APBA2: variants seen among roughly 807,000 people sequenced by gnomAD.
The protein encoded by APBA2 is amyloid beta precursor protein binding family A member 2, also known as amyloid-beta A4 precursor protein-binding family A member 2.
APBA2 carries 30 observed loss-of-function variants against 75.0 expected under a neutral mutation model. The ratio of observed to expected loss-of-function variants is 0.40; its 90% CI spans 0.30 to 0.54. The LOEUF (loss-of-function observed/expected upper bound fraction) is 0.54, where lower values mean the gene tolerates loss of function less well. Ranked by LOEUF, APBA2 falls within the 20% of genes least tolerant of loss-of-function variation. The pLI is 0.49. For synonymous variants in APBA2, 444 were observed against 409.6 expected (o/e 1.08, Z -1.01); for missense variants, 801 against 1,016.1 (o/e 0.79, Z 2.88).
intron 2 of APBA2, among the ~76,000 whole-genome samples, chr15:28,924,913 C>T (rs2034178089): frequency 6.6e-6 from 1 of 152,130 alleles, no homozygotes; most frequent in African/African-American, 2.4e-5. Context: ...CCATCCTAGC[C>T]AACACTTGTT....
chr15:28,967,648 C>T (rs2036811603), intron 2 of APBA2, among the ~76,000 whole-genome samples: 1 of 152,148 alleles, frequency 6.6e-6, no homozygotes, highest in African/African-American at 2.4e-5. Context: ...CCGTGTTAGC[C>T]AGGATGGTCT....
chr15:29,002,075 G>A (rs778872315), intron 3 of APBA2, among the ~76,000 whole-genome samples: 7 of 152,306 alleles, frequency 4.6e-5, no homozygotes, highest in South Asian at 2.1e-4. Flanking sequence ...TGTACTGCCC[G>A]TCTTGGACAC....
At chr15:29,040,742 CAG>C (rs2040995124) in intron 3 of APBA2, among the ~76,000 whole-genome samples, 3 of 152,142 alleles carry the variant, frequency 2.0e-5, no homozygotes, top group Admixed American at 1.3e-4. Context: ...CATTTTTAAT[CAG>C]GGTTAAAATG....
chr15:29,058,815 G>C (rs997730331), intron 4 of APBA2, among the ~76,000 whole-genome samples: 12 of 152,118 alleles, frequency 7.9e-5, no homozygotes, highest in Non-Finnish European at 1.6e-4. Flanking sequence ...GTTTACTGAG[G>C]AAAATTTGGA....
chr15:28,938,009 A>C (rs769465674), intron 2 of APBA2, among the ~76,000 whole-genome samples: 4 of 152,150 alleles, frequency 2.6e-5, no homozygotes, highest in Non-Finnish European at 5.9e-5. Flanking sequence ...TAGTGTCTTT[A>C]GCTCCAGCCA....
chr15:28,965,745 C>A (rs1320118904), intron 2 of APBA2, among the ~76,000 whole-genome samples: 1 of 152,128 alleles, frequency 6.6e-6, no homozygotes, highest in Non-Finnish European at 1.5e-5. Flanking sequence ...AATGGTGTTG[C>A]ATTTAACAGT....
intron 2 of APBA2, chr15:28,970,618 T>G (rs945502208): frequency 2.6e-5 from 4 of 151,538 alleles, no homozygotes; most frequent in African/African-American, 9.7e-5. Context: ...AGCAAAGAAT[T>G]TACATTTTGT....
At chr15:29,111,609 C>T (rs2044734563) in intron 13 of APBA2, among the ~76,000 whole-genome samples, 1 of 152,100 alleles carries the variant, frequency 6.6e-6, no homozygotes, top group Non-Finnish European at 1.5e-5. Context: ...GCCCTTCAGG[C>T]CCCCAGGTGC....
chr15:29,072,539 G>A (rs1004350473), intron 4 of APBA2, among the ~76,000 whole-genome samples: 1 of 152,138 alleles, frequency 6.6e-6, no homozygotes, highest in African/African-American at 2.4e-5. Context: ...AAACCTTGCA[G>A]GAGCGGTACC....
At chr15:29,014,727 G>C (rs1449727717) in intron 3 of APBA2, among the ~76,000 whole-genome samples, 1 of 115,818 alleles carries the variant, frequency 8.6e-6, no homozygotes, top group Non-Finnish European at 1.6e-5. Context: ...TTTTTTTAAA[G>C]AGACAGGGTC....
intron 4 of APBA2, among the ~76,000 whole-genome samples, chr15:29,056,622 C>G (rs1166761068): frequency 1.0e-5 from 1 of 96,328 alleles, no homozygotes. Flanking sequence ...CCTTCTCTCC[C>G]TCCCTCCCTC....
intron 13 of APBA2, among the ~76,000 whole-genome samples, chr15:29,111,766 G>C (rs1448101612): frequency 6.6e-6 from 1 of 152,106 alleles, no homozygotes; most frequent in African/African-American, 2.4e-5. Context: ...TGCAGGCCAG[G>C]GCTCATCCAC....
intron 6 of APBA2, among the ~76,000 whole-genome samples, chr15:29,090,852 C>T (rs1353173104): frequency 6.6e-6 from 1 of 152,124 alleles, no homozygotes; most frequent in Non-Finnish European, 1.5e-5. Flanking sequence ...GGGAGCCTTC[C>T]CAGCCCCACA....
At chr15:28,985,230 C>T (rs2037857048) in intron 2 of APBA2, among the ~76,000 whole-genome samples, 1 of 152,202 alleles carries the variant, frequency 6.6e-6, no homozygotes, top group Non-Finnish European at 1.5e-5. Flanking sequence ...TGCTCTGTGG[C>T]TGCACTGCAG....
At chr15:28,917,111 A>G (rs2033719568) in intron 1 of APBA2, among the ~76,000 whole-genome samples, 5 of 152,120 alleles carry the variant, frequency 3.3e-5, no homozygotes, top group Non-Finnish European at 1.5e-5. Context: ...AGCCTGGGAG[A>G]AGCCAGGGAC....
rs1464815052 is a variant in APBA2, at chr15:29,071,207, C to G, written c.952-3714C>G. Reference sequence around the variant, plus strand: ...AATGAGAATTGACACTTTTTAAAATCCAAGCTTTAGTTTCACCACCTGGAG... The same window carrying G: ...AATGAGAATTGACACTTTTTAAAATGCAAGCTTTAGTTTCACCACCTGGAG... On this transcript the variant is annotated intron_variant, in intron 4 of 14. Coordinates refer to ENST00000683413, the MANE Select transcript of APBA2 (RefSeq NM_001353788.2). 2.1e-5 allele frequency: 8 copies of G among 374,184 alleles called. No homozygotes were observed. The Admixed American group carries it at 2.4e-4, about 11-fold the overall frequency. 23.2% of individuals were successfully genotyped at this position (374,184 alleles called of 1,614,324 possible). A position where few individuals can be genotyped will look rare whatever the true frequency, so the allele number is the denominator to read the frequency against.
chr15:28,977,842 G>T (rs954879537), intron 2 of APBA2, among the ~76,000 whole-genome samples: 1 of 152,090 alleles, frequency 6.6e-6, no homozygotes, highest in Non-Finnish European at 1.5e-5. Context: ...ACTGGCTGTT[G>T]TGTCTCTCCC....
At chr15:28,894,728 A>G (rs951166651) in intron 1 of APBA2, among the ~76,000 whole-genome samples, 1 of 152,148 alleles carries the variant, frequency 6.6e-6, no homozygotes, top group Non-Finnish European at 1.5e-5. Flanking sequence ...TAGTTTACCA[A>G]GCGAACTCTA....
intron 2 of APBA2, among the ~76,000 whole-genome samples, chr15:28,949,563 G>C (rs2035739519): frequency 6.6e-6 from 1 of 152,134 alleles, no homozygotes; most frequent in Admixed American, 6.5e-5. Flanking sequence ...CTGCCTCCCA[G>C]GCTCAAGCGA....
Sources: allele counts gnomAD v4.1 joint callset (sites outside exome capture counted in the v4.1 genomes callset), GRCh38; gene constraint gnomAD v4.1.1; transcripts MANE v1.5; gene names NCBI Gene and HGNC (gene_info 2026-07-23, HGNC 2026-07-21).